The following KRT13 variants were observed in gnomAD, a reference collection of about 807,000 sequenced individuals.
KRT13 encodes keratin 13.
A neutral mutation model predicts 40.6 loss-of-function variants in KRT13; 27 were observed. The ratio of observed to expected loss-of-function variants is 0.67; its 90% CI spans 0.49 to 0.92. The LOEUF (loss-of-function observed/expected upper bound fraction) is 0.92, where lower values mean the gene tolerates loss of function less well. KRT13 is among the 40% of genes least tolerant of loss of function. The pLI is 0.00. For missense variants in KRT13, 605 were observed against 611.5 expected, an observed-to-expected ratio of 0.99 and a Z score of 0.11; for synonymous variants, 266 against 240.3, an observed-to-expected ratio of 1.11 and a Z score of -0.99.
intron 1 of KRT13, 118 bp from the exon 2 acceptor site, chr17:41,503,843 G>A (rs558277294): frequency 2.3e-5 from 18 of 766,024 alleles, no homozygotes; most frequent in African/African-American, 2.2e-4. Flanking sequence ...TAACACTAAC[G>A]ATAGCTGATG....
rs896473278 is a variant in KRT13 at position 41,504,570 on chromosome 17, C to T, written c.495+486G>A. 2.4e-5 allele frequency: 4 copies of T among 168,612 alleles called. No homozygotes were observed. The South Asian group carries it at 4.3e-4, about 18-fold the overall frequency. The allele number at this position is 168,612 out of a possible 1,614,324, so 10.4% of individuals were successfully genotyped here. A position where few individuals can be genotyped will look rare whatever the true frequency, so the allele number is the denominator to read the frequency against. ...GGGCTCAACAAAGGGCACCCAGGCT[C>T]GGCACTGCCTAAGCCTCTGCCTCTC... On this transcript the variant is annotated intron_variant, in intron 1 of 7. Coordinates refer to ENST00000246635, the MANE Select transcript of KRT13 (RefSeq NM_153490.3).
intron 6 of KRT13, chr17:41,501,963 A>G: frequency 9.7e-6 from 14 of 1,439,310 alleles, no homozygotes; most frequent in Non-Finnish European, 1.2e-5. Flanking sequence ...AAGGGGAGAT[A>G]TTATTAGCCA....
Position 41,505,180 on chromosome 17 carries a change from G to A in KRT13, c.371C>T (p.Ala124Val). ...CAGGTCAGCGTTGGCCTCCTCCAGGGCGCGCACCTTCTCCAGGTAGGAAGC... is the reference window on the plus strand; with the variant it reads ...CAGGTCAGCGTTGGCCTCCTCCAGGACGCGCACCTTCTCCAGGTAGGAAGC... ...RLASYLEKVRALEEANADLEV... is the reference protein window; with the variant it reads ...RLASYLEKVRVLEEANADLEV... Residue 124 changes from alanine to valine, a missense_variant, in exon 1 of 8, where the codon GCC (alanine) becomes GTC (valine). Coordinates refer to ENST00000246635, the MANE Select transcript of KRT13 (RefSeq NM_153490.3). 6.2e-7 allele frequency: 1 copy of A among 1,614,202 alleles called. No homozygotes were observed. Among genetic ancestry groups the A allele is most frequent in the Non-Finnish European group, 8.5e-7 (1 of 1,180,030 alleles).
In KRT13 at chr17:41,505,109, G is replaced by A. The variant is rs1294981109; in HGVS notation, c.442C>T (p.Pro148Ser). ...TAGTAGGGGCTGTAGTCCCGCTCAG[G>A]GCTAGCTGGGCTCTGCTTCAGGTGC... ...DWHLKQSPAS[P>S]ERDYSPYYKT... Residue 148 changes from proline (P) to serine (S), a missense_variant, in exon 1 of 8, where the codon CCT becomes TCT. Pro to Ser is a moderately conservative substitution (Grantham distance 74). Transcript: ENST00000246635. 6.2e-7 allele frequency: 1 copy of A among 1,614,198 alleles called. No homozygotes were observed. The highest frequency in any genetic ancestry group is 8.5e-7 in the Non-Finnish European group (1 of 1,180,032).
chr17:41,504,342 G>A (rs1904987243), intron 1 of KRT13: 1 of 158,256 alleles, frequency 6.3e-6, no homozygotes, highest in African/African-American at 2.4e-5. Flanking sequence ...ACTCGGCTTG[G>A]TGCCACATAT....
chr17:41,501,862 C>T, intron 6 of KRT13, 118 bp from the exon 7 acceptor site: 2 of 1,545,886 alleles, frequency 1.3e-6, no homozygotes, highest in Admixed American at 2.0e-5. Context: ...GACTCTAGTG[C>T]CTCCTAGCTG....
chr17:41,501,268 G>A lies in KRT13; in HGVS notation c.1365C>T (p.Val455=), dbSNP rs1904837333. The A allele has an allele frequency of 1.3e-6, 2 of 1,564,442 alleles. No individual in the cohort carries two copies. The highest frequency in any genetic ancestry group is 1.7e-6 in the Non-Finnish European group (2 of 1,153,440). ...SNASGRRTSD[V]RRP The stretch of plus-strand genomic sequence containing the variant: ...ACGCCAGGCAGATTTAAGGCCTACG[G>A]ACATCAGAAGTGCGGCGACCAGAGG... Residue 455 remains valine (V), a synonymous_variant, in exon 8 of 8, where the codon GTC becomes GTT. Coordinates refer to ENST00000246635, the MANE Select transcript of KRT13 (RefSeq NM_153490.3).
intron 1 of KRT13, chr17:41,504,037 G>T (rs950202118): frequency 1.8e-5 from 7 of 398,864 alleles, no homozygotes; most frequent in Non-Finnish European, 3.3e-5. Flanking sequence ...GAAAACATGG[G>T]CAGGACCTGG....
At chr17:41,502,027 A>ACCTGAGC in intron 6 of KRT13, 4 of 1,416,278 alleles carry the variant, frequency 2.8e-6, no homozygotes, top group Non-Finnish European at 3.7e-6. Context: ...GCAACCCTCC[A>ACCTGAGC]CCTGAGCCCT....
intron 2 of KRT13, 33 bp downstream of exon 2, chr17:41,503,610 G>T: frequency 6.3e-7 from 1 of 1,590,984 alleles, no homozygotes; most frequent in South Asian, 1.1e-5. Context: ...AGACTCCTGG[G>T]AAAGGAGAGG....
intron 7 of KRT13, 27 bp from the exon 8 acceptor site, chr17:41,501,389 C>G (rs1904844903): frequency 6.5e-7 from 1 of 1,529,648 alleles, no homozygotes; most frequent in South Asian, 1.2e-5. Context: ...AAGACATGCT[C>G]AGGCTGGAGA....
In KRT13 at chr17:41,505,439, A is replaced by C. The variant is rs1905032243; in HGVS notation, c.112T>G (p.Ser38Ala). 6.2e-7 allele frequency: 1 copy of C among 1,613,626 alleles called. No homozygotes were observed. Among genetic ancestry groups the C allele is most frequent in the African/African-American group, 1.3e-5 (1 of 74,896 alleles). The change falls in exon 1 of 8, where the codon TCC becomes GCC. Residue 38 changes from serine to alanine, a missense_variant. Physicochemically the swap from Ser to Ala is moderately conservative, Grantham distance 99 (BLOSUM62 1). Transcript: ENST00000246635. ...CCATAGCCCCCAGCTGATCCCCCGG[A>C]CACAAACCGAGTTGAACAGGTAGAG... ...GVSTCSTRFVSGGSAGGYGGG... is the reference protein window; with the variant it reads ...GVSTCSTRFVAGGSAGGYGGG...
Position 41,502,946 on chromosome 17 carries a change from G to A in KRT13, c.888C>T (p.Phe296=). Residue 296 remains phenylalanine, a synonymous_variant, in exon 4 of 8, where the codon TTC becomes TTT. Transcript: ENST00000246635. The stretch of plus-strand genomic sequence containing the variant: ...TGGGAGGGCCGGGTACCTTGGTGTG[G>A]AACCATTCCTCAGCATCCCGGCGGT... The part of the protein sequence containing the change: ...ERNRRDAEEW[F]HTKSAELNKE... 1 of 1,614,162 alleles carries A rather than the reference G, an allele frequency of 6.2e-7. No individual in the cohort carries two copies. The highest frequency in any genetic ancestry group is 8.5e-7 in the Non-Finnish European group (1 of 1,180,026).
Position 41,505,441 on chromosome 17 carries a change from A to T in KRT13, c.110T>A (p.Val37Glu). 1 of 1,613,812 alleles carries T rather than the reference A, an allele frequency of 6.2e-7. No homozygotes were observed. Among genetic ancestry groups the T allele is most frequent in the Non-Finnish European group, 8.5e-7 (1 of 1,179,730 alleles). Reference sequence around the variant, plus strand: ...ATAGCCCCCAGCTGATCCCCCGGACACAAACCGAGTTGAACAGGTAGAGAC... The same window carrying T: ...ATAGCCCCCAGCTGATCCCCCGGACTCAAACCGAGTTGAACAGGTAGAGAC... ...RGVSTCSTRF[V>E]SGGSAGGYGG... The change falls in exon 1 of 8, where the codon GTG (valine) becomes GAG (glutamate). Residue 37 changes from valine to glutamate, a missense_variant. Val to Glu is a moderately radical substitution (Grantham distance 121). Coordinates refer to ENST00000246635, the MANE Select transcript of KRT13 (RefSeq NM_153490.3).
chr17:41,503,617 G>A, intron 2 of KRT13, 26 bp downstream of exon 2: 1 of 1,600,452 alleles, frequency 6.2e-7, no homozygotes, highest in Non-Finnish European at 8.6e-7. Context: ...TGGGAAAGGA[G>A]AGGGAGGGGG....
intron 1 of KRT13, 25 bp downstream of exon 1, chr17:41,505,031 C>G: frequency 6.2e-7 from 1 of 1,613,672 alleles, no homozygotes; most frequent in Non-Finnish European, 8.5e-7. Context: ...CATGGAGGAC[C>G]CCTCCTCAGC....
In KRT13 at chr17:41,502,977, TCTGCCATGGCCTCGTACTGCTCC is replaced by T; in HGVS notation, c.834_856del (p.Gln280GlufsTer6). 6.2e-7 allele frequency: 1 copy of T among 1,614,122 alleles called. No individual in the cohort carries two copies. Among genetic ancestry groups the T allele is most frequent in the Non-Finnish European group, 8.5e-7 (1 of 1,179,970 alleles). ...TTCCTCAGCATCCCGGCGGTTCCTC[TCTGCCATGGCCTCGTACTGCTCC>T]CTCATCTCTGCCAGCACGCGGGTCA... On this transcript the variant is annotated frameshift_variant, in exon 4 of 8. Transcript: ENST00000246635. LOFTEE classifies it high-confidence loss of function.
rs923312445 is a variant in KRT13, at chr17:41,502,523, T to A, written c.1095A>T (p.Gly365=). The change falls in exon 6 of 8, where the codon GGA becomes GGT. Residue 365 remains glycine (G), a synonymous_variant. Transcript: ENST00000246635. ...GCTGGGCCTCGATGCTGCTGATGAG[T>A]CCCTGGATCTGCTGCAGCTGCAGGG... ...RYALQLQQIQ[G]LISSIEAQLS... is the part of the protein sequence containing the mutation. The A allele has an allele frequency of 1.2e-6, 2 of 1,614,012 alleles. No individual in the cohort carries two copies. The highest frequency in any genetic ancestry group is 1.7e-6 in the Non-Finnish European group (2 of 1,180,012).
At chr17:41,502,178 C>T in intron 6 of KRT13, 196 bp downstream of exon 6, 1 of 1,484,320 alleles carries the variant, frequency 6.7e-7, no homozygotes, top group Non-Finnish European at 8.9e-7. Context: ...CTGTTCCCTC[C>T]AGTCTAACTT....
Sources: allele counts gnomAD v4.1 joint callset, GRCh38; gene constraint gnomAD v4.1.1; transcripts MANE v1.5; gene names NCBI Gene and HGNC (gene_info 2026-07-23, HGNC 2026-07-21).